Variants in SESTD1 observed in about 807,000 individuals in gnomAD.
SESTD1 encodes the protein SEC14 domain and spectrin repeat-containing protein 1.
A neutral mutation model predicts 101.7 loss-of-function variants in SESTD1; 43 were observed. That is an observed-to-expected ratio of 0.42 (90% CI 0.33 to 0.55). The LOEUF (loss-of-function observed/expected upper bound fraction) is 0.55, where lower values mean the gene tolerates loss of function less well. Among genes scored for constraint, SESTD1 ranks in the 20% least tolerant of loss-of-function variants. The pLI is 0.07. For missense variants in SESTD1, 647 were observed against 815.1 expected, an observed-to-expected ratio of 0.79 and a Z score of 2.51; for synonymous variants, 283 against 286.8, an observed-to-expected ratio of 0.99 and a Z score of 0.13.
intron 3 of SESTD1, among the ~76,000 whole-genome samples, chr2:179,181,355 C>A (rs1347629798): frequency 6.6e-6 from 1 of 152,098 alleles, no homozygotes; most frequent in Admixed American, 6.6e-5. Context: ...AACCTAATCA[C>A]AAGCCAACTA....
At chr2:179,227,979 C>T (rs1339194239) in intron 1 of SESTD1, among the ~76,000 whole-genome samples, 1 of 152,106 alleles carries the variant, frequency 6.6e-6, no homozygotes, top group Non-Finnish European at 1.5e-5. Flanking sequence ...CTAAATCCCC[C>T]TTTTAGCTTA....
At position 179,106,044 on chromosome 2, in the gene SESTD1, T is replaced by A. The variant is rs968526514; in HGVS notation, c.*3855A>T. 5 of 152,226 alleles carry A rather than the reference T, an allele frequency of 3.3e-5. No homozygotes were observed. In the South Asian group the frequency reaches 1.0e-3, roughly 31 times the overall value. The allele number at this position is 152,226 out of a possible 1,614,324, so 9.4% of individuals were successfully genotyped here. ...CTCTATATACCAGCATAGTATATTTTCTACTCCCAACTGAAGCTTTTCATT... is the reference window on the plus strand; with the variant it reads ...CTCTATATACCAGCATAGTATATTTACTACTCCCAACTGAAGCTTTTCATT... On this transcript the variant is annotated 3_prime_UTR_variant, in exon 18 of 18. Transcript: ENST00000428443.
At chr2:179,252,446 CTGTT>C (rs927201056) in intron 1 of SESTD1, among the ~76,000 whole-genome samples, 2 of 152,144 alleles carry the variant, frequency 1.3e-5, no homozygotes, top group Non-Finnish European at 2.9e-5. Flanking sequence ...ATAAAAATCG[CTGTT>C]TGTCTTCTGA....
intron 1 of SESTD1, among the ~76,000 whole-genome samples, chr2:179,251,888 G>GT (rs1240315528): frequency 6.6e-6 from 1 of 152,120 alleles, no homozygotes; most frequent in East Asian, 1.9e-4. Flanking sequence ...CTCCAAAACT[G>GT]TAAGAAATAA....
At chr2:179,183,012 A>G in intron 3 of SESTD1, 68 bp downstream of exon 3, 3 of 1,080,338 alleles carry the variant, frequency 2.8e-6, no homozygotes, top group African/African-American at 1.6e-5. Flanking sequence ...TAATTCAACA[A>G]TAGAAAGAAT....
At chr2:179,198,231 G>A (rs1272919080) in intron 1 of SESTD1, among the ~76,000 whole-genome samples, 1 of 152,138 alleles carries the variant, frequency 6.6e-6, no homozygotes, top group African/African-American at 2.4e-5. Context: ...AATGGTAAAG[G>A]GATCAATTCA....
intron 8 of SESTD1, among the ~76,000 whole-genome samples, chr2:179,146,036 A>C (rs562044004): frequency 6.7e-6 from 1 of 148,362 alleles, no homozygotes; most frequent in South Asian, 2.2e-4. Flanking sequence ...ACAGAGCAGG[A>C]GGTGAGCGGC....
chr2:179,237,969 T>C (rs1012631373), intron 1 of SESTD1, among the ~76,000 whole-genome samples: 1 of 152,152 alleles, frequency 6.6e-6, no homozygotes, highest in African/African-American at 2.4e-5. Flanking sequence ...AACTTCAGAC[T>C]CCCCAAAAAC....
chr2:179,142,613 G>T (rs1048932976), intron 9 of SESTD1, among the ~76,000 whole-genome samples: 2 of 152,100 alleles, frequency 1.3e-5, no homozygotes, highest in Non-Finnish European at 2.9e-5. Context: ...GGGATTCTAC[G>T]CTGCTATGAT....
At chr2:179,239,541 T>TG (rs1195988109) in intron 1 of SESTD1, among the ~76,000 whole-genome samples, 1 of 152,128 alleles carries the variant, frequency 6.6e-6, no homozygotes, top group African/African-American at 2.4e-5. Context: ...TAGAATCATG[T>TG]GGGGAGCTTT....
At chr2:179,156,294 C>T (rs1009895833) in intron 5 of SESTD1, among the ~76,000 whole-genome samples, 8 of 152,052 alleles carry the variant, frequency 5.3e-5, no homozygotes, top group South Asian at 2.1e-4. Context: ...GCTATAAACA[C>T]GCATGTTCAA....
rs2154393563 is a variant in SESTD1, at chr2:179,109,487, T to A, written c.*412A>T. ...GTAAAATTTTGAGGACACCACTGTC[T>A]ACTAACAAGAGTTTAACTACTGTCT... On this transcript the variant is annotated 3_prime_UTR_variant, in exon 18 of 18. Transcript: ENST00000428443. 2.6e-6 allele frequency: 1 copy of A among 381,946 alleles called. No homozygotes were observed. Among genetic ancestry groups the A allele is most frequent in the East Asian group, 3.7e-5 (1 of 26,976 alleles). 23.7% of individuals were successfully genotyped at this position (381,946 alleles called of 1,614,324 possible).
At chr2:179,263,138 T>C (rs984280270) in intron 1 of SESTD1, among the ~76,000 whole-genome samples, 5 of 152,224 alleles carry the variant, frequency 3.3e-5, no homozygotes, top group African/African-American at 9.6e-5. Flanking sequence ...AAACAGCCTA[T>C]AGAGTTGTGA....
At chr2:179,197,499 C>A (rs538342923) in intron 1 of SESTD1, among the ~76,000 whole-genome samples, 9 of 152,004 alleles carry the variant, frequency 5.9e-5, no homozygotes, top group African/African-American at 2.2e-4. Flanking sequence ...CCCCAAGACA[C>A]GTAATTGTCA....
chr2:179,180,442 C>G (rs1193576278), intron 3 of SESTD1, among the ~76,000 whole-genome samples: 1 of 152,074 alleles, frequency 6.6e-6, no homozygotes, highest in Non-Finnish European at 1.5e-5. Context: ...ACATTAACAG[C>G]TGGAAGCTGG....
intron 1 of SESTD1, among the ~76,000 whole-genome samples, chr2:179,196,760 A>C (rs957532466): frequency 3.9e-5 from 6 of 152,174 alleles, no homozygotes; most frequent in Non-Finnish European, 8.8e-5. Flanking sequence ...GTCTGTTAGA[A>C]GGAAAACTAA....
chr2:179,203,443 G>A (rs550588149), intron 1 of SESTD1, among the ~76,000 whole-genome samples: 1 of 131,896 alleles, frequency 7.6e-6, no homozygotes, highest in Admixed American at 7.4e-5. Context: ...AAAGGGGAGG[G>A]GAACAGTTCA....
intron 9 of SESTD1, among the ~76,000 whole-genome samples, chr2:179,143,058 G>T (rs1174930765): frequency 7.6e-6 from 1 of 132,066 alleles, no homozygotes; most frequent in Non-Finnish European, 1.6e-5. Context: ...CTAAATAACA[G>T]AAATGTCTCC....
intron 1 of SESTD1, among the ~76,000 whole-genome samples, chr2:179,204,759 C>T (rs980681341): frequency 5.2e-5 from 7 of 134,864 alleles, no homozygotes; most frequent in Non-Finnish European, 1.1e-4. Context: ...GCACAAATGT[C>T]AACACAGTAA....
Sources: allele counts gnomAD v4.1 joint callset (sites outside exome capture counted in the v4.1 genomes callset), GRCh38; gene constraint gnomAD v4.1.1; transcripts MANE v1.5; gene names NCBI Gene and HGNC (gene_info 2026-07-23, HGNC 2026-07-21).